The following SOX6 variants were observed in gnomAD, a reference collection of about 807,000 sequenced individuals.
SOX6 encodes the protein transcription factor SOX-6.
A neutral mutation model predicts 97.8 loss-of-function variants in SOX6; 11 were observed. The observed-to-expected ratio is 0.11, with a 90% CI of 0.07 to 0.19. The LOEUF is 0.19. Ranked by LOEUF, SOX6 falls within the 10% of genes least tolerant of loss-of-function variation. SOX6 has a pLI of 1.00. For synonymous variants in SOX6, 360 were observed against 371.4 expected, an observed-to-expected ratio of 0.97 and a Z score of 0.35; for missense variants, 810 against 1,039.5, an observed-to-expected ratio of 0.78 and a Z score of 3.04.
chr11:16,026,431 C>T (rs1183908676), intron 12 of SOX6, among the ~76,000 whole-genome samples: 3 of 152,046 alleles, frequency 2.0e-5, no homozygotes, highest in African/African-American at 7.2e-5. Context: ...CAAGGGAAGG[C>T]AGGGAAAGGA....
At chr11:16,256,868 A>G (rs1431284723) in intron 3 of SOX6, among the ~76,000 whole-genome samples, 2 of 151,922 alleles carry the variant, frequency 1.3e-5, no homozygotes, top group African/African-American at 4.8e-5. Flanking sequence ...CGAGGTTGCA[A>G]AATACAAGGC....
chr11:16,188,900 T>A (rs1353885474), intron 4 of SOX6, among the ~76,000 whole-genome samples: 1 of 151,790 alleles, frequency 6.6e-6, no homozygotes, highest in African/African-American at 2.4e-5. Context: ...CCTTCTCTAC[T>A]AAAAATACAA....
At chr11:16,481,625 G>A (rs1405730959) in intron 4 of SOX6, among the ~76,000 whole-genome samples, 1 of 152,016 alleles carries the variant, frequency 6.6e-6, no homozygotes, top group Non-Finnish European at 1.5e-5. Flanking sequence ...CACTTAGAAG[G>A]GACATTGACA....
At chr11:16,478,472 T>C (rs192163290), upstream of SOX6, among the ~76,000 whole-genome samples, 6 of 152,320 alleles carry the variant, frequency 3.9e-5, no homozygotes, top group Admixed American at 6.5e-5. Flanking sequence ...GAACAAATAA[T>C]ATTTTCACAT....
chr11:16,043,876 C>A (rs565085699), intron 12 of SOX6, among the ~76,000 whole-genome samples: 1 of 151,976 alleles, frequency 6.6e-6, no homozygotes, highest in Non-Finnish European at 1.5e-5. Context: ...CTTCCCATGG[C>A]GTCACTTATC....
At chr11:16,612,408 T>C (rs533405297) in intron 3 of SOX6, 2 of 152,386 alleles carry the variant, frequency 1.3e-5, no homozygotes, top group Admixed American at 6.5e-5. Flanking sequence ...ATTACCACCA[T>C]AGAATTAAAA....
intron 15 of SOX6, among the ~76,000 whole-genome samples, chr11:15,979,680 A>G (rs1853604864): frequency 6.6e-6 from 1 of 151,958 alleles, no homozygotes; most frequent in Admixed American, 6.6e-5. Flanking sequence ...GCTAGGCACA[A>G]TCTCGCCTCA....
intron 13 of SOX6, among the ~76,000 whole-genome samples, chr11:16,000,406 T>C (rs1030307540): frequency 6.6e-6 from 1 of 152,166 alleles, no homozygotes; most frequent in African/African-American, 2.4e-5. Flanking sequence ...AGTGATCTAG[T>C]GACAGGTGAA....
At chr11:16,290,592 G>A (rs190285828) in intron 3 of SOX6, among the ~76,000 whole-genome samples, 4 of 152,006 alleles carry the variant, frequency 2.6e-5, no homozygotes, top group Admixed American at 2.0e-4. Flanking sequence ...CATTTCTGAC[G>A]AAGTTATAAA....
intron 4 of SOX6, among the ~76,000 whole-genome samples, chr11:16,224,682 T>A (rs1025763267): frequency 1.3e-5 from 2 of 152,070 alleles, no homozygotes; most frequent in African/African-American, 4.8e-5. Flanking sequence ...TGCTGTATAA[T>A]GTATATACAT....
chr11:16,045,384 AC>A (rs1386106785), intron 12 of SOX6, among the ~76,000 whole-genome samples: 1 of 152,090 alleles, frequency 6.6e-6, no homozygotes, highest in Non-Finnish European at 1.5e-5. Context: ...TTCACAGTCT[AC>A]TAATAGCCTC....
intron 6 of SOX6, among the ~76,000 whole-genome samples, chr11:16,132,308 AAGGAAG>A (rs1849772669): frequency 7.6e-6 from 1 of 131,422 alleles, no homozygotes; most frequent in African/African-American, 2.9e-5. Flanking sequence ...GGAAGGAAGG[AAGGAAG>A]GAAGGAAGGA....
intron 2 of SOX6, among the ~76,000 whole-genome samples, chr11:16,329,290 G>T (rs980368972): frequency 6.6e-6 from 1 of 151,994 alleles, no homozygotes; most frequent in African/African-American, 2.4e-5. Context: ...TTAATAAATG[G>T]AAGTAAATAT....
intron 4 of SOX6, among the ~76,000 whole-genome samples, chr11:16,576,482 C>T (rs1847985617): frequency 6.6e-6 from 1 of 152,076 alleles, no homozygotes; most frequent in South Asian, 2.1e-4. Context: ...TAAGATATAT[C>T]TTCTGTAATA....
chr11:16,691,604 C>A (rs1461374850), intron 3 of SOX6, among the ~76,000 whole-genome samples: 1 of 152,148 alleles, frequency 6.6e-6, no homozygotes, highest in Non-Finnish European at 1.5e-5. Context: ...AGAGACCAGC[C>A]TGGGCAACAC....
At chr11:16,368,518 CT>C (rs1565116389) in intron 1 of SOX6, among the ~76,000 whole-genome samples, 1 of 152,062 alleles carries the variant, frequency 6.6e-6, no homozygotes, top group Non-Finnish European at 1.5e-5. Context: ...TAAAAAATGT[CT>C]TTTCAACAAA....
chr11:15,969,071 C>G lies in SOX6; in HGVS notation c.*3738G>C, dbSNP rs942483092. 13 of 137,866 alleles carry G rather than the reference C, an allele frequency of 9.4e-5. No homozygotes were observed. Among genetic ancestry groups the G allele is most frequent in the African/African-American group, 3.4e-4 (12 of 35,198 alleles). The allele number at this position is 137,866 out of a possible 1,614,324, so 8.5% of individuals were successfully genotyped here. ...CTCCTTTTCCTTCCATTCCATATGG[C>G]TATTTTTTTTTTTTTTTTTTTTTGG... On this transcript the variant is annotated 3_prime_UTR_variant, in exon 16 of 16. Transcript: ENST00000683767.
chr11:16,613,463 A>G lies in SOX6; in HGVS notation n.430-1203T>C, dbSNP rs948383951. On this transcript the variant is annotated intron_variant and non_coding_transcript_variant, in intron 3 of 5. Transcript: ENST00000524520. The surrounding 1 kb of genome is among the most constrained non-coding windows in gnomAD (Gnocchi z 4.6). ...TCTTGCCAGTTGCGCACTCTGAGAC[A>G]TCTCTCGGTGCAGAGTGGTTCCGAA... Among the ~76,000 whole-genome samples, 11 of 151,612 alleles carry G rather than the reference A, an allele frequency of 7.3e-5. No individual in the cohort carries two copies. Among genetic ancestry groups the G allele is most frequent in the African/African-American group, 2.7e-4 (11 of 41,254 alleles).
intron 2 of SOX6, among the ~76,000 whole-genome samples, chr11:16,721,368 A>G (rs958469019): frequency 2.0e-5 from 3 of 152,194 alleles, no homozygotes. Context: ...ATCATGGGAC[A>G]TGGGGAACTT....
Sources: gnomAD v4.1 joint callset for allele counts (sites outside exome capture counted in the v4.1 genomes callset) on GRCh38, gnomAD v4.1.1 for gene constraint, Gnocchi (gnomAD v3.1) non-coding constraint, MANE v1.5 for transcripts, NCBI Gene and HGNC (gene_info 2026-07-23, HGNC 2026-07-21) for gene names.